DDX53: variants seen among roughly 807,000 people sequenced by gnomAD.
DDX53 encodes the protein DEAD-box helicase 53.
For synonymous variants in DDX53, 179 were observed against 170.8 expected, an observed-to-expected ratio of 1.05 and a Z score of -0.37; for missense variants, 481 against 485.1, an observed-to-expected ratio of 0.99 and a Z score of 0.08.
At position 23,002,077 on chromosome X, in the gene DDX53, G is replaced by T; in HGVS notation, c.*124G>T. On this transcript the variant is annotated 3_prime_UTR_variant, in exon 1 of 1. Coordinates refer to ENST00000327968, the MANE Select transcript of DDX53 (RefSeq NM_182699.4). Reference sequence around the variant, plus strand: ...ACATAACTAATTCTTAAATAATACTGCTAAACTTTCAATATTGTGTATGCT... The same window carrying T: ...ACATAACTAATTCTTAAATAATACTTCTAAACTTTCAATATTGTGTATGCT... 1 of 537,203 alleles carries T rather than the reference G, an allele frequency of 1.9e-6. No individual in the cohort carries two copies. The highest frequency in any genetic ancestry group is 2.8e-6 in the Non-Finnish European group (1 of 361,506). 44.3% of individuals were successfully genotyped at this position (537,203 alleles called of 1,213,427 possible). A position where few individuals can be genotyped will look rare whatever the true frequency, so the allele number is the denominator to read the frequency against.
chrX:23,000,346 G>A lies in DDX53; in HGVS notation c.289G>A (p.Gly97Ser). 1 of 1,207,879 alleles carries A rather than the reference G, an allele frequency of 8.3e-7. No homozygotes were observed. The highest frequency in any genetic ancestry group is 1.1e-6 in the Non-Finnish European group (1 of 894,339). Residue 97 changes from glycine (G) to serine (S), a missense_variant, in exon 1 of 1, where the codon GGC becomes AGC. By Grantham distance (56) the Gly-to-Ser change is moderately conservative (BLOSUM62 0). Transcript: ENST00000327968. ...GESEAKVRIF[G>S]NREMKAKAKA... is the part of the protein sequence containing the mutation. ...ATCTGAAGCAAAAGTCAGAATTTTT[G>A]GCAATAGGGAAATGAAAGCAAAGGC...
chrX:23,001,694 G>A lies in DDX53; in HGVS notation c.1637G>A (p.Arg546Lys), dbSNP rs1314947944. The A allele has an allele frequency of 7.4e-6, 9 of 1,211,165 alleles. No homozygotes were observed. Among genetic ancestry groups the A allele is most frequent in the Non-Finnish European group, 1.0e-5 (9 of 895,119 alleles). The change falls in exon 1 of 1, where the codon AGG becomes AAG. Residue 546 changes from arginine (R) to lysine (K), a missense_variant. Transcript: ENST00000327968. ...VTHVYNYDFPRNIDVYVHRVG... is the reference protein window; with the variant it reads ...VTHVYNYDFPKNIDVYVHRVG... ...CATGTATATAATTATGATTTCCCAA[G>A]GAATATTGACGTATATGTACACAGA...
In DDX53 at chrX:23,002,948, C is replaced by T. The variant is rs1451059698; in HGVS notation, c.*995C>T. 1 of 123,060 alleles carries T rather than the reference C, an allele frequency of 8.1e-6. No homozygotes were observed. Among genetic ancestry groups the T allele is most frequent in the Non-Finnish European group, 1.9e-5 (1 of 53,229 alleles). The allele number at this position is 123,060 out of a possible 1,213,427, so 10.1% of individuals were successfully genotyped here. A position where few individuals can be genotyped will look rare whatever the true frequency, so the allele number is the denominator to read the frequency against. ...GCTAGACCCCAGTGTCTGCTGTTTC[C>T]TTCTTTGCGTTCATAAGTTCTCATC... On this transcript the variant is annotated 3_prime_UTR_variant, in exon 1 of 1. Coordinates refer to ENST00000327968, the MANE Select transcript of DDX53 (RefSeq NM_182699.4).
At position 23,002,241 on chromosome X, in the gene DDX53, TAAAG is replaced by T. The variant is rs1200325045; in HGVS notation, c.*292_*295del. The T allele has an allele frequency of 9.2e-6, 2 of 216,554 alleles. No individual in the cohort carries two copies. The highest frequency in any genetic ancestry group is 2.9e-5 in the African/African-American group (1 of 34,936). 17.8% of individuals were successfully genotyped at this position (216,554 alleles called of 1,213,427 possible). A position where few individuals can be genotyped will look rare whatever the true frequency, so the allele number is the denominator to read the frequency against. On this transcript the variant is annotated 3_prime_UTR_variant, in exon 1 of 1. Transcript: ENST00000327968. ...TTTGGGGGTATATGTGAAGGTTTGTTAAAGAAACACGTGCCATGGGGGTTTATCA... is the reference window on the plus strand; with the variant it reads ...TTTGGGGGTATATGTGAAGGTTTGTTAAACACGTGCCATGGGGGTTTATCA...
At position 23,000,271 on chromosome X, in the gene DDX53, A is replaced by C; in HGVS notation, c.214A>C (p.Lys72Gln). The C allele has an allele frequency of 8.4e-7, 1 of 1,187,360 alleles. No homozygotes were observed. Among genetic ancestry groups the C allele is most frequent in the Non-Finnish European group, 1.1e-6 (1 of 885,008 alleles). ...CATTGGTTACAGTGGATCAAAAATAAAAGATCTACAACATTCGACAAACAC... is the reference window on the plus strand; with the variant it reads ...CATTGGTTACAGTGGATCAAAAATACAAGATCTACAACATTCGACAAACAC... ...VVIGYSGSKI[K>Q]DLQHSTNTKI... Residue 72 changes from lysine (K) to glutamine (Q), a missense_variant, in exon 1 of 1, where the codon AAA (lysine) becomes CAA (glutamine). Physicochemically the swap from Lys to Gln is moderately conservative, Grantham distance 53. Transcript: ENST00000327968.
Position 22,999,993 on chromosome X carries a change from C to T in DDX53, c.-65C>T, listed in dbSNP as rs753176447. The T allele has an allele frequency of 7.5e-6, 7 of 939,497 alleles. No homozygotes were observed. The highest frequency in any genetic ancestry group is 4.4e-5 in the South Asian group (1 of 22,516). 77.4% of individuals were successfully genotyped at this position (939,497 alleles called of 1,213,427 possible). A position where few individuals can be genotyped will look rare whatever the true frequency, so the allele number is the denominator to read the frequency against. Reference sequence around the variant, plus strand: ...GTGCAGAAGGTGACGGGAAACAGGCCGCAGACCTGAACTTCCAACCGTATG... The same window carrying T: ...GTGCAGAAGGTGACGGGAAACAGGCTGCAGACCTGAACTTCCAACCGTATG... On this transcript the variant is annotated 5_prime_UTR_variant, in exon 1 of 1. Transcript: ENST00000327968.
At position 23,000,376 on chromosome X, in the gene DDX53, G is replaced by T. The variant is rs148588561; in HGVS notation, c.319G>T (p.Ala107Ser). The change falls in exon 1 of 1, where the codon GCG becomes TCG. Residue 107 changes from alanine (A) to serine (S), a missense_variant. Physicochemically the swap from Ala to Ser is moderately conservative, Grantham distance 99. Coordinates refer to ENST00000327968, the MANE Select transcript of DDX53 (RefSeq NM_182699.4). ...GNREMKAKAK[A>S]AIETLIRKQE... ...TAGGGAAATGAAAGCAAAGGCCAAA[G>T]CGGCTATAGAAACACTTATTAGAAA... The T allele has an allele frequency of 4.0e-3, 4,836 of 1,206,710 alleles. 10 individuals are homozygous for T. The highest frequency in any genetic ancestry group is 5.2e-3 in the Non-Finnish European group (4,635 of 894,361).
At position 23,001,928 on chromosome X, in the gene DDX53, G is replaced by A. The variant is rs1198152716; in HGVS notation, c.1871G>A (p.Arg624His). ...CGATCAAGAAAACCTGGACAAAGAC[G>A]CAAGGAGTTTTATTTTTTAAGTTGA... ...ETRSRKPGQR[R>H]KEFYFLS Residue 624 changes from arginine to histidine, a missense_variant, in exon 1 of 1, where the codon CGC becomes CAC. By Grantham distance (29) the Arg-to-His change is conservative. Coordinates refer to ENST00000327968, the MANE Select transcript of DDX53 (RefSeq NM_182699.4). 6 of 1,191,390 alleles carry A rather than the reference G, an allele frequency of 5.0e-6. No individual in the cohort carries two copies. Among genetic ancestry groups the A allele is most frequent in the East Asian group, 3.0e-5 (1 of 33,687 alleles).
In DDX53 at chrX:23,001,985, G is replaced by A. The variant is rs1247484065; in HGVS notation, c.*32G>A. The A allele has an allele frequency of 2.7e-6, 3 of 1,094,137 alleles. No homozygotes were observed. The highest frequency in any genetic ancestry group is 3.7e-5 in the African/African-American group (2 of 54,001). The allele number at this position is 1,094,137 out of a possible 1,213,427, so 90.2% of individuals were successfully genotyped here. Reference sequence around the variant, plus strand: ...GTACCAGGCTACTGGAAGATTCCAGGCATGTTAAAGATATGCAGTATTGAA... The same window carrying A: ...GTACCAGGCTACTGGAAGATTCCAGACATGTTAAAGATATGCAGTATTGAA... On this transcript the variant is annotated 3_prime_UTR_variant, in exon 1 of 1. Coordinates refer to ENST00000327968, the MANE Select transcript of DDX53 (RefSeq NM_182699.4).
At position 23,001,036 on chromosome X, in the gene DDX53, A is replaced by G. The variant is rs1933801952; in HGVS notation, c.979A>G (p.Ile327Val). 3.3e-6 allele frequency: 4 copies of G among 1,203,393 alleles called. No individual in the cohort carries two copies. The African/African-American group carries it at 7.0e-5, about 21-fold the overall frequency. ...SKYSYKGLKSICIYGGRNRNG... is the reference protein window; with the variant it reads ...SKYSYKGLKSVCIYGGRNRNG... Reference sequence around the variant, plus strand: ...GTATTCATATAAAGGTCTCAAAAGCATTTGCATATATGGTGGTAGAAACAG... The same window carrying G: ...GTATTCATATAAAGGTCTCAAAAGCGTTTGCATATATGGTGGTAGAAACAG... Residue 327 changes from isoleucine (I) to valine (V), a missense_variant, in exon 1 of 1, where the codon ATT becomes GTT. Transcript: ENST00000327968.
chrX:23,003,151 G>A lies in DDX53; in HGVS notation c.*1198G>A, dbSNP rs777703346. On this transcript the variant is annotated 3_prime_UTR_variant, in exon 1 of 1. Transcript: ENST00000327968. Reference sequence around the variant, plus strand: ...TGAAGCATAGCTTCAAGCTTATCCAGTCAAAGTATTCTCTTTTCCCCCGAG... The same window carrying A: ...TGAAGCATAGCTTCAAGCTTATCCAATCAAAGTATTCTCTTTTCCCCCGAG... The A allele has an allele frequency of 8.1e-6, 1 of 124,056 alleles. No homozygotes were observed. Among genetic ancestry groups the A allele is most frequent in the Non-Finnish European group, 1.9e-5 (1 of 53,433 alleles). 10.2% of individuals were successfully genotyped at this position (124,056 alleles called of 1,213,427 possible).
chrX:23,000,433 G>A lies in DDX53; in HGVS notation c.376G>A (p.Asp126Asn), dbSNP rs1569253310. The A allele has an allele frequency of 1.7e-6, 2 of 1,211,821 alleles. No homozygotes were observed. Among genetic ancestry groups the A allele is most frequent in the Non-Finnish European group, 2.2e-6 (2 of 895,514 alleles). Reference protein sequence around the residue: ...QESYNSESSVDNAASQTPIGR... With the variant: ...QESYNSESSVNNAASQTPIGR... ...AAGCTACAACTCAGAATCCAGTGTG[G>A]ATAATGCTGCATCCCAAACCCCTAT... Residue 126 changes from aspartate (D) to asparagine (N), a missense_variant, in exon 1 of 1, where the codon GAT (aspartate) becomes AAT (asparagine). Transcript: ENST00000327968.
Position 23,000,334 on chromosome X carries a change from G to A in DDX53, c.277G>A (p.Val93Ile). Residue 93 changes from valine to isoleucine, a missense_variant, in exon 1 of 1, where the codon GTC becomes ATC. Coordinates refer to ENST00000327968, the MANE Select transcript of DDX53 (RefSeq NM_182699.4). ...QIINGESEAK[V>I]RIFGNREMKA... ...CATAAACGGGGAATCTGAAGCAAAA[G>A]TCAGAATTTTTGGCAATAGGGAAAT... 1.7e-6 allele frequency: 2 copies of A among 1,208,509 alleles called. No individual in the cohort carries two copies. The highest frequency in any genetic ancestry group is 2.2e-6 in the Non-Finnish European group (2 of 894,502).
Position 23,002,087 on chromosome X carries a change from C to A in DDX53, c.*134C>A. ...TTCTTAAATAATACTGCTAAACTTT[C>A]AATATTGTGTATGCTCCTTAATTTT... On this transcript the variant is annotated 3_prime_UTR_variant, in exon 1 of 1. Coordinates refer to ENST00000327968, the MANE Select transcript of DDX53 (RefSeq NM_182699.4). 1.9e-6 allele frequency: 1 copy of A among 516,435 alleles called. No individual in the cohort carries two copies. The highest frequency in any genetic ancestry group is 2.4e-5 in the African/African-American group (1 of 42,212). 42.6% of individuals were successfully genotyped at this position (516,435 alleles called of 1,213,427 possible). A position where few individuals can be genotyped will look rare whatever the true frequency, so the allele number is the denominator to read the frequency against.
chrX:23,000,139 A>G lies in DDX53; in HGVS notation c.82A>G (p.Arg28Gly), dbSNP rs1041521772. The G allele has an allele frequency of 4.2e-6, 5 of 1,195,411 alleles. No homozygotes were observed. Among genetic ancestry groups the G allele is most frequent in the Non-Finnish European group, 5.6e-6 (5 of 886,783 alleles). ...GGCCAGCTGGGATGTCAGGGGCAGC[A>G]GAGGCAGTGGCTGGAGTGGCCCCTT... ...LGASWDVRGS[R>G]GSGWSGPFGH... The change falls in exon 1 of 1, where the codon AGA becomes GGA. Residue 28 changes from arginine (R) to glycine (G), a missense_variant. Arg to Gly is a moderately radical substitution (Grantham distance 125, BLOSUM62 -2). Transcript: ENST00000327968.
chrX:23,001,371 A>G lies in DDX53; in HGVS notation c.1314A>G (p.Val438=), dbSNP rs1225127103. 3.6e-5 allele frequency: 43 copies of G among 1,208,779 alleles called. No homozygotes were observed. Among genetic ancestry groups the G allele is most frequent in the Non-Finnish European group, 4.7e-5 (42 of 894,497 alleles). ...TTGGTAATCTGAATCTAGTGGCTGT[A>G]AATACAGTGAAGCAAAATATAATTG... The part of the protein sequence containing the change: ...VYVGNLNLVA[V]NTVKQNIIVT... Residue 438 remains valine, a synonymous_variant, in exon 1 of 1, where the codon GTA becomes GTG. Transcript: ENST00000327968.
In DDX53 at chrX:23,001,579, C is replaced by G; in HGVS notation, c.1522C>G (p.Arg508Gly). 8.3e-7 allele frequency: 1 copy of G among 1,210,038 alleles called. No homozygotes were observed. Among genetic ancestry groups the G allele is most frequent in the Non-Finnish European group, 1.1e-6 (1 of 894,793 alleles). ...HGNSEQSDQE[R>G]AVEDFKSGNI... ...CAACAGTGAACAGAGTGATCAAGAGCGAGCAGTAGAGGACTTTAAAAGCGG... is the reference window on the plus strand; with the variant it reads ...CAACAGTGAACAGAGTGATCAAGAGGGAGCAGTAGAGGACTTTAAAAGCGG... The change falls in exon 1 of 1, where the codon CGA (arginine) becomes GGA (glycine). Residue 508 changes from arginine to glycine, a missense_variant. Transcript: ENST00000327968.
Position 23,001,568 on chromosome X carries a change from G to C in DDX53, c.1511G>C (p.Ser504Thr), listed in dbSNP as rs949365905. The change falls in exon 1 of 1, where the codon AGT becomes ACT. Residue 504 changes from serine to threonine, a missense_variant. Transcript: ENST00000327968. ...TCATTACATGGCAACAGTGAACAGAGTGATCAAGAGCGAGCAGTAGAGGAC... is the reference window on the plus strand; with the variant it reads ...TCATTACATGGCAACAGTGAACAGACTGATCAAGAGCGAGCAGTAGAGGAC... Reference protein sequence around the residue: ...AESLHGNSEQSDQERAVEDFK... With the variant: ...AESLHGNSEQTDQERAVEDFK... 9.1e-6 allele frequency: 11 copies of C among 1,208,959 alleles called. No homozygotes were observed. The African/African-American group carries it at 1.7e-4, about 19-fold the overall frequency.
At position 23,002,249 on chromosome X, in the gene DDX53, C is replaced by T; in HGVS notation, c.*296C>T. 1 of 207,810 alleles carries T rather than the reference C, an allele frequency of 4.8e-6. No homozygotes were observed. The highest frequency in any genetic ancestry group is 9.3e-6 in the Non-Finnish European group (1 of 107,741). The allele number at this position is 207,810 out of a possible 1,213,427, so 17.1% of individuals were successfully genotyped here. ...TATATGTGAAGGTTTGTTAAAGAAA[C>T]ACGTGCCATGGGGGTTTATCAACTT... On this transcript the variant is annotated 3_prime_UTR_variant, in exon 1 of 1. Coordinates refer to ENST00000327968, the MANE Select transcript of DDX53 (RefSeq NM_182699.4).
Sources: allele counts gnomAD v4.1 joint callset, GRCh38; gene constraint gnomAD v4.1.1; transcripts MANE v1.5; gene names NCBI Gene and HGNC (gene_info 2026-07-23, HGNC 2026-07-21).